The following WBP2 variants were observed in gnomAD, a reference collection of about 807,000 sequenced individuals.
WBP2 encodes the protein WW domain-binding protein 2.
WBP2 carries 23 observed loss-of-function variants against 33.0 expected under a neutral mutation model. The ratio of observed to expected loss-of-function variants is 0.70; its 90% confidence interval spans 0.50 to 0.99. The LOEUF (loss-of-function observed/expected upper bound fraction) is 0.99, where lower values mean the gene tolerates loss of function less well. WBP2 is among the 50% of genes least tolerant of loss of function. The pLI is 0.00. For synonymous variants in WBP2, 153 were observed against 133.5 expected, an observed-to-expected ratio of 1.15 and a Z score of -1.01; for missense variants, 353 against 358.0, an observed-to-expected ratio of 0.99 and a Z score of 0.11.
Position 75,847,141 on chromosome 17 carries a change from G to A in WBP2, c.656-157C>T, listed in dbSNP as rs577887716. 289 of 780,068 alleles carry A rather than the reference G, an allele frequency of 3.7e-4. 2 individuals are homozygous for A. The highest frequency in any genetic ancestry group is 5.5e-4 in the Non-Finnish European group (267 of 482,002). 48.3% of individuals were successfully genotyped at this position (780,068 alleles called of 1,614,324 possible). A position where few individuals can be genotyped will look rare whatever the true frequency, so the allele number is the denominator to read the frequency against. ...GAGGTTTCCTGAGCACATGCCACGC[G>A]CTGGCACGGTCCTTTCCAGGCCCAT... On this transcript the variant is annotated intron_variant, in intron 6 of 7. Transcript: ENST00000254806.
intron 1 of WBP2, chr17:75,852,851 G>A: frequency 1.0e-6 from 1 of 958,708 alleles, no homozygotes; most frequent in Non-Finnish European, 1.2e-6. Context: ...AGAGATGACT[G>A]TACAGATCAC....
In WBP2 at chr17:75,847,801, G is replaced by C; in HGVS notation, c.527C>G (p.Pro176Arg). The C allele has an allele frequency of 4.5e-6, 7 of 1,556,394 alleles. No homozygotes were observed. The highest frequency in any genetic ancestry group is 4.4e-6 in the Non-Finnish European group (5 of 1,149,262). The change falls in exon 5 of 8, where the codon CCA becomes CGA. Residue 176 changes from proline (P) to arginine (R), a missense_variant. Transcript: ENST00000254806. ...GCAGCAAAGGACACACTCACCAGGTGGGGGCGGTGGATAGGGGTAGCCAGG... is the reference window on the plus strand; with the variant it reads ...GCAGCAAAGGACACACTCACCAGGTCGGGGCGGTGGATAGGGGTAGCCAGG... ...CPPGYPYPPP[P>R]PEFYPGPPMM...
chr17:75,846,722 A>G lies in WBP2; in HGVS notation c.*12T>C. Reference sequence around the variant, plus strand: ...AGAGAGATGAGGGTGGGAGGCAGGGAGGCAGGAGGGCCTACTGGGTCTTCT... The same window carrying G: ...AGAGAGATGAGGGTGGGAGGCAGGGGGGCAGGAGGGCCTACTGGGTCTTCT... On this transcript the variant is annotated 3_prime_UTR_variant, in exon 8 of 8. Coordinates refer to ENST00000254806, the MANE Select transcript of WBP2 (RefSeq NM_012478.4). This position sits in a 1 kb window ranked among gnomAD's most constrained non-coding sequence, Gnocchi z 4.8. The G allele has an allele frequency of 2.0e-6, 3 of 1,514,756 alleles. No individual in the cohort carries two copies. The South Asian group carries it at 3.9e-5, about 20-fold the overall frequency. The allele number at this position is 1,514,756 out of a possible 1,614,324, so 93.8% of individuals were successfully genotyped here. A position where few individuals can be genotyped will look rare whatever the true frequency, so the allele number is the denominator to read the frequency against.
At position 75,848,462 on chromosome 17, in the gene WBP2, A is replaced by G. The variant is rs1009008025; in HGVS notation, c.397+108T>C. 1.8e-5 allele frequency: 19 copies of G among 1,060,912 alleles called. No individual in the cohort carries two copies. The African/African-American group carries it at 2.7e-4, about 15-fold the overall frequency. The allele number at this position is 1,060,912 out of a possible 1,614,324, so 65.7% of individuals were successfully genotyped here. ...GGCCTGGTCAGCCTGGTGCCCAAAC[A>G]CTTACCTCTTGAGTTCTTGAAAAAG... On this transcript the variant is annotated intron_variant, in intron 4 of 7. Transcript: ENST00000254806.
Position 75,845,842 on chromosome 17 carries a change from G to A in WBP2, c.*892C>T, listed in dbSNP as rs1274652478. The A allele has an allele frequency of 6.6e-6, 1 of 152,516 alleles. No homozygotes were observed. The highest frequency in any genetic ancestry group is 1.5e-5 in the Non-Finnish European group (1 of 68,086). 9.4% of individuals were successfully genotyped at this position (152,516 alleles called of 1,614,324 possible). ...TTAAATAACCATCTCCTCACTTCAT[G>A]GCCAGTCCAGGGACAAACAAGAGTG... On this transcript the variant is annotated 3_prime_UTR_variant, in exon 8 of 8. Coordinates refer to ENST00000254806, the MANE Select transcript of WBP2 (RefSeq NM_012478.4).
intron 3 of WBP2, chr17:75,849,140 T>C (rs551864815): frequency 9.0e-5 from 19 of 212,036 alleles, no homozygotes; most frequent in Admixed American, 7.9e-4. Context: ...AGTGTCTCAA[T>C]AGCAAGGGCG....
chr17:75,855,192 C>T (rs777281586), intron 1 of WBP2, 47 bp downstream of exon 1: 3 of 1,454,650 alleles, frequency 2.1e-6, no homozygotes, highest in Non-Finnish European at 1.9e-6. Context: ...CCCACTTCCT[C>T]GACACCCGAA....
chr17:75,848,672 G>T lies in WBP2; in HGVS notation c.305-10C>A. The stretch of plus-strand genomic sequence containing the variant: ...GAGCCTTCCCAGCCACCTGAAAGGG[G>T]AAGGACAGTGAATAAACAGCACAGG... On this transcript the variant is annotated splice_polypyrimidine_tract_variant and intron_variant, in intron 3 of 7. Transcript: ENST00000254806. 1 of 1,608,086 alleles carries T rather than the reference G, an allele frequency of 6.2e-7. No homozygotes were observed.
At chr17:75,847,185 T>C in intron 6 of WBP2, 1 of 686,498 alleles carries the variant, frequency 1.5e-6, no homozygotes, top group Non-Finnish European at 2.5e-6. Flanking sequence ...TCACCTCATC[T>C]AATCCTTGAG....
intron 3 of WBP2, chr17:75,848,874 C>G: frequency 1.7e-6 from 1 of 589,926 alleles, no homozygotes; most frequent in Admixed American, 2.9e-5. Flanking sequence ...CTGCTGTACT[C>G]GCTTCCCCCT....
intron 5 of WBP2, 71 bp downstream of exon 5, chr17:75,847,725 C>T: frequency 6.5e-7 from 1 of 1,540,594 alleles, no homozygotes; most frequent in Non-Finnish European, 8.8e-7. Flanking sequence ...GGAATAAAGT[C>T]TCCCTGGCCT....
At chr17:75,847,448 G>A (rs1036841847) in intron 6 of WBP2, 39 bp downstream of exon 6, 1 of 1,575,090 alleles carries the variant, frequency 6.3e-7, no homozygotes. Context: ...GGAGGAGAGG[G>A]CTGGTCCCGA....
At chr17:75,850,922 GAGTTCA>G (rs534219862) in intron 2 of WBP2, among the ~76,000 whole-genome samples, 1 of 151,892 alleles carries the variant, frequency 6.6e-6, no homozygotes, top group African/African-American at 2.4e-5. Flanking sequence ...TCGAACTCCT[GAGTTCA>G]AGTGGCCTGC....
In WBP2 at chr17:75,846,662, A is replaced by G. The variant is rs1336036888; in HGVS notation, c.*72T>C. 1 of 1,490,788 alleles carries G rather than the reference A, an allele frequency of 6.7e-7. No individual in the cohort carries two copies. Among genetic ancestry groups the G allele is most frequent in the Admixed American group, 2.1e-5 (1 of 46,548 alleles). 92.3% of individuals were successfully genotyped at this position (1,490,788 alleles called of 1,614,324 possible). The stretch of plus-strand genomic sequence containing the variant: ...GAACAAGGCGCCCCCTCCCCTCCCC[A>G]AGCCCCAGCACAGCCCCGATGGGAG... On this transcript the variant is annotated 3_prime_UTR_variant, in exon 8 of 8. Coordinates refer to ENST00000254806, the MANE Select transcript of WBP2 (RefSeq NM_012478.4). This position sits in a 1 kb window ranked among gnomAD's most constrained non-coding sequence, Gnocchi z 4.8.
chr17:75,846,512 C>A lies in WBP2; in HGVS notation c.*222G>T. 2 of 605,544 alleles carry A rather than the reference C, an allele frequency of 3.3e-6. No individual in the cohort carries two copies. The highest frequency in any genetic ancestry group is 3.9e-4 in the Middle Eastern group (1 of 2,554). The allele number at this position is 605,544 out of a possible 1,614,324, so 37.5% of individuals were successfully genotyped here. On this transcript the variant is annotated 3_prime_UTR_variant, in exon 8 of 8. Coordinates refer to ENST00000254806, the MANE Select transcript of WBP2 (RefSeq NM_012478.4). This position sits in a 1 kb window ranked among gnomAD's most constrained non-coding sequence, Gnocchi z 4.8. ...AGAGCCCCAGACGGTGAGGGAGGTA[C>A]GCTGGGCAGCACTGTGGGCTCCGGG...
At chr17:75,850,231 TTA>T (rs1163892467) in intron 2 of WBP2, among the ~76,000 whole-genome samples, 22 of 141,562 alleles carry the variant, frequency 1.6e-4, no homozygotes, top group Admixed American at 6.3e-4. Flanking sequence ...CCCTTGGGTT[TTA>T]TTTTTTCTTT....
chr17:75,850,621 A>T (rs529395219), intron 2 of WBP2, among the ~76,000 whole-genome samples: 141 of 152,172 alleles, frequency 9.3e-4, no homozygotes, highest in African/African-American at 3.1e-3. Flanking sequence ...TGGGGTTTTG[A>T]GACTCTCCTG....
chr17:75,847,409 C>T, intron 6 of WBP2, 78 bp downstream of exon 6: 1 of 1,548,554 alleles, frequency 6.5e-7, no homozygotes, highest in Non-Finnish European at 8.7e-7. Flanking sequence ...CAGTCTCTGG[C>T]CATTCTGAGG....
At chr17:75,847,027 C>T (rs770522389) in intron 6 of WBP2, 43 bp from the exon 7 acceptor site, 2 of 1,611,490 alleles carry the variant, frequency 1.2e-6, no homozygotes, top group East Asian at 4.5e-5. Context: ...AAGTTCTCCT[C>T]CCCCTGAGCT....
Sources: allele counts gnomAD v4.1 joint callset (sites outside exome capture counted in the v4.1 genomes callset), GRCh38; gene constraint gnomAD v4.1.1; non-coding constraint Gnocchi (gnomAD v3.1); transcripts MANE v1.5; gene names NCBI Gene and HGNC (gene_info 2026-07-23, HGNC 2026-07-21).